The following CCDC38 variants were observed in gnomAD, a reference collection of about 807,000 sequenced individuals.
The protein encoded by CCDC38 is coiled-coil domain containing 38.
A neutral mutation model predicts 72.8 loss-of-function variants in CCDC38; 69 were observed. That is an observed-to-expected ratio of 0.95 (90% confidence interval 0.78 to 1.16). The LOEUF (loss-of-function observed/expected upper bound fraction) is 1.16. Ranked by LOEUF, CCDC38 falls within the 50% of genes most tolerant of loss-of-function variation. The probability of loss-of-function intolerance (pLI) is 0.00; values close to 1 mark genes in which losing one functional copy is unlikely to be tolerated. For synonymous variants in CCDC38, 201 were observed against 213.2 expected (o/e 0.94, Z 0.50); for missense variants, 626 against 638.9 (o/e 0.98, Z 0.22).
intron 7 of CCDC38, among the ~76,000 whole-genome samples, chr12:95,898,124 T>C (rs911922091): frequency 2.0e-5 from 3 of 152,252 alleles, no homozygotes; most frequent in Non-Finnish European, 4.4e-5. Flanking sequence ...TATTGTTTAT[T>C]CCTAATTGTT....
At chr12:95,926,151 G>A (rs1162311484) in intron 2 of CCDC38, among the ~76,000 whole-genome samples, 1 of 145,328 alleles carries the variant, frequency 6.9e-6, no homozygotes, top group Non-Finnish European at 1.5e-5. Context: ...GTAGAATTCG[G>A]CTGTGAATCC....
chr12:95,907,692 C>A, intron 4 of CCDC38, among the ~76,000 whole-genome samples: 1 of 143,452 alleles, frequency 7.0e-6, no homozygotes, highest in African/African-American at 2.6e-5. Flanking sequence ...GACGGGGCGG[C>A]TGCTGGGCGG....
At chr12:95,923,118 TCTC>T (rs942505200) in intron 2 of CCDC38, among the ~76,000 whole-genome samples, 1 of 151,940 alleles carries the variant, frequency 6.6e-6, no homozygotes, top group African/African-American at 2.4e-5. Flanking sequence ...CATCTCATCT[TCTC>T]CTATGCTGAG....
intron 4 of CCDC38, among the ~76,000 whole-genome samples, chr12:95,911,669 C>T (rs749270249): frequency 1.3e-5 from 2 of 152,088 alleles, no homozygotes; most frequent in Non-Finnish European, 2.9e-5. Context: ...AATGAGATGC[C>T]GTCTCACACC....
chr12:95,919,829 T>G (rs1038796140), intron 2 of CCDC38, among the ~76,000 whole-genome samples: 1 of 152,076 alleles, frequency 6.6e-6, no homozygotes, highest in African/African-American at 2.4e-5. Flanking sequence ...AAGTCAAAGA[T>G]AATAAAAAGT....
At chr12:95,915,693 G>T (rs2080137167) in intron 4 of CCDC38, among the ~76,000 whole-genome samples, 1 of 152,128 alleles carries the variant, frequency 6.6e-6, no homozygotes, top group African/African-American at 2.4e-5. Context: ...ACAGTCTGAG[G>T]GTGACTTCTA....
At chr12:95,882,839 C>T (rs2079716376) in intron 10 of CCDC38, among the ~76,000 whole-genome samples, 1 of 152,150 alleles carries the variant, frequency 6.6e-6, no homozygotes, top group Non-Finnish European at 1.5e-5. Flanking sequence ...TTTCAATGTC[C>T]AACCTTCAAC....
At chr12:95,889,950 G>A (rs976568597) in intron 9 of CCDC38, among the ~76,000 whole-genome samples, 15 of 151,606 alleles carry the variant, frequency 9.9e-5, no homozygotes, top group East Asian at 1.9e-4. Flanking sequence ...TCCGTTACCC[G>A]GGCTGGAGTG....
chr12:95,935,073 T>C (rs2080378935), intron 2 of CCDC38: 1 of 152,214 alleles, frequency 6.6e-6, no homozygotes, highest in Non-Finnish European at 1.5e-5. Flanking sequence ...CAATGGACAT[T>C]ATGATTGATT....
intron 2 of CCDC38, chr12:95,919,501 C>A (rs1565962660): frequency 4.4e-6 from 2 of 455,974 alleles, no homozygotes; most frequent in East Asian, 1.4e-4. Flanking sequence ...AGTATGGAGT[C>A]CTTCTCAGGC....
At chr12:95,908,250 A>G (rs2080035373) in intron 4 of CCDC38, among the ~76,000 whole-genome samples, 1 of 151,514 alleles carries the variant, frequency 6.6e-6, no homozygotes, top group Non-Finnish European at 1.5e-5. Context: ...ACTCGCGGTT[A>G]GGAGCTGGAG....
At chr12:95,921,021 G>C (rs2080200955) in intron 2 of CCDC38, among the ~76,000 whole-genome samples, 1 of 151,910 alleles carries the variant, frequency 6.6e-6, no homozygotes, top group African/African-American at 2.4e-5. Flanking sequence ...CCAGCTCCTT[G>C]GGAGGCTAAG....
intron 5 of CCDC38, among the ~76,000 whole-genome samples, chr12:95,899,069 T>C (rs2079924019): frequency 6.6e-6 from 1 of 152,130 alleles, no homozygotes. Context: ...GGAAACTGGG[T>C]TGTCTGCAGT....
chr12:95,890,775 C>T (rs756142478), intron 9 of CCDC38, 57 bp downstream of exon 9: 1 of 1,097,006 alleles, frequency 9.1e-7, no homozygotes, highest in Non-Finnish European at 1.4e-6. Flanking sequence ...TCTGTCTCCA[C>T]TTTGAGATGG....
chr12:95,912,529 AG>A (rs1390355081), intron 4 of CCDC38, among the ~76,000 whole-genome samples: 2 of 152,156 alleles, frequency 1.3e-5, no homozygotes, highest in Non-Finnish European at 2.9e-5. Flanking sequence ...AGCAGGAAAA[AG>A]TTTGAGTGTG....
chr12:95,876,130 T>C (rs1166589214), intron 13 of CCDC38, among the ~76,000 whole-genome samples: 1 of 152,192 alleles, frequency 6.6e-6, no homozygotes, highest in South Asian at 2.1e-4. Flanking sequence ...AATAATGCAG[T>C]CCTGATACAA....
Position 95,886,800 on chromosome 12 carries a change from G to A in CCDC38, c.920+1658C>T, listed in dbSNP as rs549075253. Among the ~76,000 whole-genome samples, 4 of 152,314 alleles carry A rather than the reference G, an allele frequency of 2.6e-5. No individual in the cohort carries two copies. In the East Asian group the frequency reaches 7.7e-4, roughly 29 times the overall value. On this transcript the variant is annotated intron_variant, in intron 10 of 15. Coordinates refer to ENST00000344280, the MANE Select transcript of CCDC38 (RefSeq NM_182496.3). ...CAGTGAAAACACCAAATGCTGTTGA[G>A]GATATGAAGAAACTGGACCCCACAT... is the stretch of plus-strand genomic sequence containing the variant.
chr12:95,888,058 A>C (rs746558642), intron 10 of CCDC38, among the ~76,000 whole-genome samples: 1 of 152,204 alleles, frequency 6.6e-6, no homozygotes. Context: ...TTCTGAAATA[A>C]TGAGTACAAA....
At chr12:95,933,493 C>A (rs1457470070) in intron 2 of CCDC38, 1 of 152,126 alleles carries the variant, frequency 6.6e-6, no homozygotes, top group African/African-American at 2.4e-5. Context: ...TAATTTCACC[C>A]ATTTGATTGG....
Sources: allele counts gnomAD v4.1 joint callset (sites outside exome capture counted in the v4.1 genomes callset), GRCh38; gene constraint gnomAD v4.1.1; transcripts MANE v1.5; gene names NCBI Gene and HGNC (gene_info 2026-07-23, HGNC 2026-07-21).